Variants in KAZN observed in about 807,000 individuals in gnomAD.
KAZN encodes kazrin, periplakin interacting protein.
In KAZN, 40 loss-of-function variants were observed where a neutral mutation model predicts 87.4. The ratio of observed to expected loss-of-function variants is 0.46; its 90% CI spans 0.36 to 0.60. The LOEUF (loss-of-function observed/expected upper bound fraction) is 0.60. Among genes scored for constraint, KAZN ranks in the 20% least tolerant of loss-of-function variants. The probability of loss-of-function intolerance (pLI) is 0.00; values close to 1 mark genes in which losing one functional copy is unlikely to be tolerated. For missense variants in KAZN, 898 were observed against 1,073.9 expected (o/e 0.84, Z 2.29); for synonymous variants, 466 against 458.3 (o/e 1.02, Z -0.22).
chr1:14,574,110 A>C (rs543966454), intron 2 of KAZN, among the ~76,000 whole-genome samples: 142 of 152,328 alleles, frequency 9.3e-4, no homozygotes, highest in Non-Finnish European at 1.1e-3. Context: ...AAAATCTACA[A>C]GGATTTTTCT....
rs58947119 is a variant in KAZN, at chr1:14,713,775, C to CAAAAAA, written c.226+114572_226+114577dup. Among the ~76,000 whole-genome samples, 125 of 94,586 alleles carry CAAAAAA rather than the reference C, an allele frequency of 1.3e-3. 1 individual carries two copies. Among genetic ancestry groups the CAAAAAA allele is most frequent in the African/African-American group, 4.9e-3 (103 of 21,200 alleles). The allele number at this position is 94,586 out of a possible 152,430, so 62.1% of individuals were successfully genotyped here. On this transcript the variant is annotated intron_variant, in intron 1 of 14. Coordinates refer to ENST00000376030, the MANE Select transcript of KAZN (RefSeq NM_201628.3). Reference sequence around the variant, plus strand: ...ACAACAAAACGAGACCTCATCTCTACAAAAAAAAAAAAAAAAAAAAAAAAA... The same window carrying CAAAAAA: ...ACAACAAAACGAGACCTCATCTCTACAAAAAAAAAAAAAAAAAAAAAAAAAAAAAAA...
At chr1:14,477,227 C>G (rs1668785971) in intron 2 of KAZN, among the ~76,000 whole-genome samples, 1 of 152,126 alleles carries the variant, frequency 6.6e-6, no homozygotes, top group African/African-American at 2.4e-5. Flanking sequence ...ATGGGAGTTT[C>G]CCTACACAAG....
At chr1:14,208,137 G>A (rs1389512856) in intron 2 of KAZN, among the ~76,000 whole-genome samples, 3 of 152,180 alleles carry the variant, frequency 2.0e-5, no homozygotes, top group Non-Finnish European at 4.4e-5. Flanking sequence ...TAACACCAAA[G>A]CAAAGGAGGA....
rs6674653 is a variant in KAZN, at chr1:14,287,826, T to C, written c.249+107234T>C. The stretch of plus-strand genomic sequence containing the variant: ...ATATTGGCTGTGGGTTTGTCATAAA[T>C]AGTTCTTCTTATTTTGAGATATGTT... On this transcript the variant is annotated intron_variant, in intron 2 of 16. Transcript: ENST00000636203. Among the ~76,000 whole-genome samples, 716 of 152,366 alleles carry C rather than the reference T, an allele frequency of 4.7e-3. 4 individuals carry two copies. The highest frequency in any genetic ancestry group is 0.017 in the African/African-American group (690 of 41,592).
chr1:14,419,945 A>AT (rs966345427), intron 2 of KAZN, among the ~76,000 whole-genome samples: 1 of 152,068 alleles, frequency 6.6e-6, no homozygotes, highest in Non-Finnish European at 1.5e-5. Flanking sequence ...AAACTTCCAC[A>AT]AGGTGGAAGG....
intron 1 of KAZN, among the ~76,000 whole-genome samples, chr1:14,021,757 T>C (rs959656876): frequency 6.6e-6 from 1 of 152,188 alleles, no homozygotes; most frequent in African/African-American, 2.4e-5. Context: ...AGTGTCCTGA[T>C]GGTCAGCATC....
At chr1:15,109,480 C>CAGG (rs979057860) in intron 13 of KAZN, among the ~76,000 whole-genome samples, 3 of 152,166 alleles carry the variant, frequency 2.0e-5, no homozygotes, top group Non-Finnish European at 4.4e-5. Context: ...AATAGCTGAG[C>CAGG]AGGAACTCCA....
chr1:14,269,935 A>G (rs935593094), intron 2 of KAZN, among the ~76,000 whole-genome samples: 2 of 152,122 alleles, frequency 1.3e-5, no homozygotes, highest in African/African-American at 4.8e-5. Flanking sequence ...AATACCTGAG[A>G]CCAGGTAGTT....
chr1:14,262,795 G>A (rs959416322), intron 2 of KAZN, among the ~76,000 whole-genome samples: 2 of 152,148 alleles, frequency 1.3e-5, no homozygotes, highest in African/African-American at 2.4e-5. Context: ...TCATTCGGTC[G>A]TTGTTACAAG....
In KAZN at chr1:14,598,717, G is replaced by T; in HGVS notation, c.-281G>T. On this transcript the variant is annotated 5_prime_UTR_variant, in exon 1 of 15. Coordinates refer to ENST00000376030, the MANE Select transcript of KAZN (RefSeq NM_201628.3). This position sits in a 1 kb window ranked among gnomAD's most constrained non-coding sequence, Gnocchi z 4.2. ...GAGCAGCTCTCGGCGCCCGCCCGCCGGGGTCTCGGCGATCGCTGCTCCTCC... is the reference window on the plus strand; with the variant it reads ...GAGCAGCTCTCGGCGCCCGCCCGCCTGGGTCTCGGCGATCGCTGCTCCTCC... 3.0e-6 allele frequency: 4 copies of T among 1,315,748 alleles called. No individual in the cohort carries two copies. The highest frequency in any genetic ancestry group is 4.3e-5 in the Admixed American group (1 of 23,504). 81.5% of individuals were successfully genotyped at this position (1,315,748 alleles called of 1,614,324 possible). A position where few individuals can be genotyped will look rare whatever the true frequency, so the allele number is the denominator to read the frequency against.
intron 2 of KAZN, among the ~76,000 whole-genome samples, chr1:14,378,801 AAAGGCAG>A (rs1406029553): frequency 7.2e-5 from 11 of 152,058 alleles, no homozygotes; most frequent in Admixed American, 7.2e-4. Flanking sequence ...AATAAACTTG[AAAGGCAG>A]TCTAGGCCAC....
chr1:14,425,236 G>A (rs1028566699), intron 2 of KAZN, among the ~76,000 whole-genome samples: 4 of 152,176 alleles, frequency 2.6e-5, no homozygotes, highest in Non-Finnish European at 4.4e-5. Context: ...GTCAGGCCAT[G>A]GGAGACAGAG....
chr1:14,510,766 G>C (rs369656039), intron 2 of KAZN, among the ~76,000 whole-genome samples: 6 of 152,310 alleles, frequency 3.9e-5, no homozygotes, highest in Admixed American at 2.0e-4. Flanking sequence ...CTTGGCTTAG[G>C]GGGTGGCTGT....
At chr1:14,912,419 T>C (rs1657350668) in intron 1 of KAZN, among the ~76,000 whole-genome samples, 3 of 152,148 alleles carry the variant, frequency 2.0e-5, no homozygotes, top group African/African-American at 7.2e-5. Context: ...GGAGGGGACC[T>C]ACCACAGTGG....
chr1:14,924,387 C>T, intron 1 of KAZN: 1 of 988,938 alleles, frequency 1.0e-6, no homozygotes, highest in Non-Finnish European at 1.2e-6. Flanking sequence ...GACTCGGGCT[C>T]GTGGGAGCGC....
intron 1 of KAZN, among the ~76,000 whole-genome samples, chr1:14,764,249 A>G (rs1644824238): frequency 6.6e-6 from 1 of 151,100 alleles, no homozygotes; most frequent in Non-Finnish European, 1.5e-5. Context: ...GCTTCGGGCA[A>G]CCTCCCTTCA....
intron 1 of KAZN, among the ~76,000 whole-genome samples, chr1:14,900,767 A>AG (rs1491011834): frequency 6.6e-5 from 10 of 150,590 alleles, no homozygotes; most frequent in Non-Finnish European, 1.3e-4. Context: ...AAAAAAAAAA[A>AG]AGAGCTATGA....
intron 1 of KAZN, among the ~76,000 whole-genome samples, chr1:14,885,633 C>T (rs190561315): frequency 2.0e-5 from 3 of 152,214 alleles, no homozygotes; most frequent in Admixed American, 6.5e-5. Flanking sequence ...CAGGAGTGAG[C>T]CACCGTGCCT....
intron 2 of KAZN, among the ~76,000 whole-genome samples, chr1:14,983,049 C>T (rs1257256774): frequency 6.6e-6 from 1 of 152,254 alleles, no homozygotes; most frequent in Non-Finnish European, 1.5e-5. Flanking sequence ...CAGCAAAAGG[C>T]TAACAAATCG....
Sources: gnomAD v4.1 joint callset for allele counts (sites outside exome capture counted in the v4.1 genomes callset) on GRCh38, gnomAD v4.1.1 for gene constraint, Gnocchi (gnomAD v3.1) non-coding constraint, MANE v1.5 for transcripts, NCBI Gene and HGNC (gene_info 2026-07-23, HGNC 2026-07-21) for gene names.